The following SLC14A2 variants were observed in gnomAD, a reference collection of about 807,000 sequenced individuals.
SLC14A2 encodes urea transporter 2.
A neutral mutation model predicts 104.6 loss-of-function variants in SLC14A2; 91 were observed. That is an observed-to-expected ratio of 0.87 (90% CI 0.73 to 1.04). The LOEUF (loss-of-function observed/expected upper bound fraction) is 1.04, where lower values mean the gene tolerates loss of function less well. Among genes scored for constraint, SLC14A2 ranks in the 50% least tolerant of loss-of-function variants. SLC14A2 has a pLI of 0.00. For missense variants in SLC14A2, 1,189 were observed against 1,156.0 expected, an observed-to-expected ratio of 1.03 and a Z score of -0.41; for synonymous variants, 476 against 466.4, an observed-to-expected ratio of 1.02 and a Z score of -0.27.
rs181460002 is a variant in SLC14A2, at chr18:45,552,997, G to T, written c.-35+69675G>T. On this transcript the variant is annotated intron_variant, in intron 2 of 20. Transcript: ENST00000586448. ...AGTGTTGGCTAGGGATAGAAGAAAG[G>T]AGAATGTGCTCAGGCTAAGGTAGCA... 4.6e-3 allele frequency among the ~76,000 whole-genome samples: 706 copies of T among 152,282 alleles called. 3 individuals are homozygous for T. Among genetic ancestry groups the T allele is most frequent in the Non-Finnish European group, 7.9e-3 (537 of 68,026 alleles).
At chr18:45,296,258 A>G (rs1208708334) in intron 1 of SLC14A2, among the ~76,000 whole-genome samples, 1 of 152,180 alleles carries the variant, frequency 6.6e-6, no homozygotes, top group Non-Finnish European at 1.5e-5. Context: ...GGAACCTCCG[A>G]GTTCATTCCT....
At chr18:45,606,767 A>AC (rs1568296081) in intron 2 of SLC14A2, among the ~76,000 whole-genome samples, 5 of 147,748 alleles carry the variant, frequency 3.4e-5, no homozygotes, top group Admixed American at 2.7e-4. Context: ...AACAAAAAAA[A>AC]AAAACACTGG....
chr18:45,391,964 C>T (rs1757614995), intron 1 of SLC14A2, among the ~76,000 whole-genome samples: 2 of 152,182 alleles, frequency 1.3e-5, no homozygotes, highest in South Asian at 2.1e-4. Context: ...GCTTTTGTTG[C>T]CATTGCTTTT....
chr18:45,533,033 T>G (rs1014485026), intron 2 of SLC14A2, among the ~76,000 whole-genome samples: 9 of 152,340 alleles, frequency 5.9e-5, no homozygotes, highest in African/African-American at 1.9e-4. Flanking sequence ...CAGCCTTGCA[T>G]CCCAGGGATG....
chr18:45,523,483 C>G (rs1177267506), intron 2 of SLC14A2, among the ~76,000 whole-genome samples: 1 of 149,846 alleles, frequency 6.7e-6, no homozygotes, highest in Non-Finnish European at 1.5e-5. Flanking sequence ...GCACATACAA[C>G]CACACCCAGC....
chr18:45,312,534 A>G (rs1271569062), intron 1 of SLC14A2, among the ~76,000 whole-genome samples: 2 of 152,184 alleles, frequency 1.3e-5, no homozygotes, highest in African/African-American at 4.8e-5. Flanking sequence ...CTCAAATACC[A>G]GGAAGTGTGG....
chr18:45,507,508 A>G (rs1378168749), intron 2 of SLC14A2: 1 of 152,250 alleles, frequency 6.6e-6, no homozygotes, highest in Non-Finnish European at 1.5e-5. Context: ...ACACATCCAC[A>G]TTAAATAAAT....
intron 2 of SLC14A2, among the ~76,000 whole-genome samples, chr18:45,525,698 C>T (rs1419512420): frequency 2.6e-5 from 4 of 152,168 alleles, no homozygotes; most frequent in East Asian, 1.9e-4. Context: ...ATCATCATCA[C>T]ATTTTAGATG....
At chr18:45,588,321 C>G (rs1341615488) in intron 2 of SLC14A2, among the ~76,000 whole-genome samples, 1 of 152,194 alleles carries the variant, frequency 6.6e-6, no homozygotes, top group Non-Finnish European at 1.5e-5. Context: ...GGCAATTGGA[C>G]TGAATGGCCT....
chr18:45,317,057 T>C (rs1486897905), intron 1 of SLC14A2, among the ~76,000 whole-genome samples: 1 of 152,216 alleles, frequency 6.6e-6, no homozygotes, highest in Non-Finnish European at 1.5e-5. Flanking sequence ...GTCCAGCTGA[T>C]TCCAAATTCT....
intron 1 of SLC14A2, among the ~76,000 whole-genome samples, chr18:45,246,512 T>G (rs1238596454): frequency 6.6e-6 from 1 of 152,210 alleles, no homozygotes; most frequent in Non-Finnish European, 1.5e-5. Context: ...TGTCTTTTCA[T>G]AGGCTTACCT....
At chr18:45,467,673 C>G (rs898116939) in intron 1 of SLC14A2, among the ~76,000 whole-genome samples, 2 of 152,164 alleles carry the variant, frequency 1.3e-5, no homozygotes, top group Admixed American at 1.3e-4. Flanking sequence ...ACTCATTTTA[C>G]CTAATGGACA....
At chr18:45,290,926 G>A (rs1478851646) in intron 1 of SLC14A2, among the ~76,000 whole-genome samples, 1 of 152,136 alleles carries the variant, frequency 6.6e-6, no homozygotes, top group Non-Finnish European at 1.5e-5. Flanking sequence ...GACCATCTCT[G>A]ACAATCAGTA....
At chr18:45,676,320 G>A (rs865883876) in intron 18 of SLC14A2, among the ~76,000 whole-genome samples, 1 of 152,194 alleles carries the variant, frequency 6.6e-6, no homozygotes, top group African/African-American at 2.4e-5. Flanking sequence ...GTGGGGAGGT[G>A]GCTGCGTCCA....
intron 1 of SLC14A2, among the ~76,000 whole-genome samples, chr18:45,247,299 A>T (rs1368711277): frequency 6.6e-6 from 1 of 152,262 alleles, no homozygotes; most frequent in African/African-American, 2.4e-5. Context: ...CACATTTTCC[A>T]TAAACACATC....
At chr18:45,226,751 C>A (rs892866309) in intron 1 of SLC14A2, among the ~76,000 whole-genome samples, 1 of 151,904 alleles carries the variant, frequency 6.6e-6, no homozygotes. Context: ...ACCAACATGG[C>A]ACATGTATAC....
rs139487834 is a variant in SLC14A2 at position 45,546,624 on chromosome 18, T to C, written c.-35+63302T>C. Among the ~76,000 whole-genome samples the C allele has an allele frequency of 3.6e-3, 553 of 152,326 alleles. 3 individuals carry two copies. Among genetic ancestry groups the C allele is most frequent in the African/African-American group, 0.013 (528 of 41,570 alleles). On this transcript the variant is annotated intron_variant, in intron 2 of 20. Transcript: ENST00000586448. ...AGCCCTGAAAGGTCAAAGAGCTTAA[T>C]AGTCAAAGGATTGGTTTCGAAGCCA...
intron 1 of SLC14A2, among the ~76,000 whole-genome samples, chr18:45,457,655 T>C (rs1201261922): frequency 1.3e-5 from 2 of 149,528 alleles, no homozygotes; most frequent in Non-Finnish European, 3.0e-5. Context: ...GACCAGGACA[T>C]TGTGACTGGC....
chr18:45,265,271 G>A (rs1230343158), intron 1 of SLC14A2, among the ~76,000 whole-genome samples: 2 of 152,120 alleles, frequency 1.3e-5, no homozygotes, highest in Non-Finnish European at 2.9e-5. Flanking sequence ...TTCCTAACTA[G>A]CTCCAAAGAG....
Sources: gnomAD v4.1 joint callset for allele counts (sites outside exome capture counted in the v4.1 genomes callset) on GRCh38, gnomAD v4.1.1 for gene constraint, MANE v1.5 for transcripts, NCBI Gene and HGNC (gene_info 2026-07-23, HGNC 2026-07-21) for gene names.